Variants in MYO5A observed in about 807,000 individuals in gnomAD.
MYO5A encodes myosin VA, also known as unconventional myosin-Va.
Under a neutral mutation model 249.7 loss-of-function variants are expected in MYO5A, and 98 were observed. The ratio of observed to expected loss-of-function variants is 0.39; its 90% CI spans 0.33 to 0.46. The LOEUF is 0.46. Ranked by LOEUF, MYO5A falls within the 20% of genes least tolerant of loss-of-function variation. The pLI is 0.98. For synonymous variants in MYO5A, 778 were observed against 810.6 expected, an observed-to-expected ratio of 0.96 and a Z score of 0.68; for missense variants, 1,696 against 2,308.8, an observed-to-expected ratio of 0.73 and a Z score of 5.44.
chr15:52,468,537 G>C (rs2076396437), intron 1 of MYO5A, among the ~76,000 whole-genome samples: 1 of 152,070 alleles, frequency 6.6e-6, no homozygotes, highest in African/African-American at 2.4e-5. Context: ...GGGTGTGGTG[G>C]TGTGCACCTG....
chr15:52,449,052 T>C (rs930210463), intron 1 of MYO5A, among the ~76,000 whole-genome samples: 23 of 133,024 alleles, frequency 1.7e-4, no homozygotes, highest in African/African-American at 5.9e-4. Flanking sequence ...CACTGCAAAC[T>C]CTGTCTCCCG....
chr15:52,424,059 G>A (rs896140234), intron 4 of MYO5A, among the ~76,000 whole-genome samples: 4 of 152,228 alleles, frequency 2.6e-5, no homozygotes, highest in African/African-American at 9.6e-5. Flanking sequence ...TAGTTCTCAG[G>A]TTGTACTAAG....
rs376606422 is a variant in MYO5A at position 52,379,610 on chromosome 15, C to T, written c.2208+15G>A. The T allele has an allele frequency of 1.2e-5, 20 of 1,609,146 alleles. No homozygotes were observed. The highest frequency in any genetic ancestry group is 8.9e-5 in the East Asian group (4 of 44,862). On this transcript the variant is annotated intron_variant, in intron 18 of 41. Transcript: ENST00000399233. ...GGCCTTCTGCTCAGATGACGGTAAG[C>T]GAAATCATTCTCACCAGTATCAGTT...
At chr15:52,497,125 C>A (rs926871876) in intron 1 of MYO5A, among the ~76,000 whole-genome samples, 1 of 152,124 alleles carries the variant, frequency 6.6e-6, no homozygotes, top group African/African-American at 2.4e-5. Context: ...CCATGCCCGG[C>A]TAATTTTTGT....
At position 52,308,359 on chromosome 15, in the gene MYO5A, T is replaced by A. The variant is rs1245915868; in HGVS notation, c.*5337A>T. On this transcript the variant is annotated 3_prime_UTR_variant, in exon 42 of 42. Transcript: ENST00000399233. ...TTAGGGTAATACAACAGATTTGAAC[T>A]TATAGCACGCTTTCCTGTTTTTACT... is the stretch of plus-strand genomic sequence containing the variant. 1 of 152,260 alleles carries A rather than the reference T, an allele frequency of 6.6e-6. No individual in the cohort carries two copies. Among genetic ancestry groups the A allele is most frequent in the Non-Finnish European group, 1.5e-5 (1 of 68,044 alleles). The allele number at this position is 152,260 out of a possible 1,614,324, so 9.4% of individuals were successfully genotyped here.
chr15:52,397,752 T>C (rs1469254620), intron 9 of MYO5A, among the ~76,000 whole-genome samples: 1 of 152,166 alleles, frequency 6.6e-6, no homozygotes, highest in Non-Finnish European at 1.5e-5. Context: ...ATTCATTCAG[T>C]CAAAAAATCA....
chr15:52,394,654 G>T (rs778290519), intron 11 of MYO5A, among the ~76,000 whole-genome samples: 1 of 152,168 alleles, frequency 6.6e-6, no homozygotes, highest in Non-Finnish European at 1.5e-5. Flanking sequence ...AGGAAGAGAC[G>T]CAAGAGACCA....
chr15:52,425,808 A>AG (rs774525672), intron 4 of MYO5A, 22 bp downstream of exon 4: 60 of 1,612,730 alleles, frequency 3.7e-5, no homozygotes, highest in Non-Finnish European at 4.8e-5. Context: ...GCCATAAAAT[A>AG]ACAATGAAAG....
At chr15:52,364,769 A>G in intron 23 of MYO5A, 67 bp from the exon 24 acceptor site, 1 of 1,566,844 alleles carries the variant, frequency 6.4e-7, no homozygotes, top group South Asian at 1.1e-5. Flanking sequence ...GTAAACATGT[A>G]TACTGATTTC....
In MYO5A at chr15:52,528,827, G is replaced by T; in HGVS notation, c.-21C>A. On this transcript the variant is annotated 5_prime_UTR_variant, in exon 1 of 42. Coordinates refer to ENST00000399233, the MANE Select transcript of MYO5A (RefSeq NM_001382347.1). ...GCCATGGCGGGCCCCGCGCGCCTAC[G>T]CCCCCCGCCTGTGCGGAGGCCGCAC... 6.8e-7 allele frequency: 1 copy of T among 1,474,276 alleles called. No homozygotes were observed. The allele number at this position is 1,474,276 out of a possible 1,614,324, so 91.3% of individuals were successfully genotyped here.
chr15:52,520,465 CATCTT>C (rs577865275), intron 1 of MYO5A, among the ~76,000 whole-genome samples: 223 of 152,274 alleles, frequency 1.5e-3, no homozygotes, highest in African/African-American at 5.2e-3. Flanking sequence ...TGCCACTGAC[CATCTT>C]TTCACCCCTA....
intron 9 of MYO5A, among the ~76,000 whole-genome samples, chr15:52,400,357 T>C (rs1192528659): frequency 6.6e-6 from 1 of 152,216 alleles, no homozygotes; most frequent in Non-Finnish European, 1.5e-5. Context: ...AGATTCATTT[T>C]ATATTTTAAA....
At chr15:52,335,860 A>G (rs2039094634) in intron 34 of MYO5A, among the ~76,000 whole-genome samples, 1 of 152,240 alleles carries the variant, frequency 6.6e-6, no homozygotes, top group South Asian at 2.1e-4. Context: ...ACTAAGAATA[A>G]TGATAGTGAC....
chr15:52,438,650 G>A (rs149900157), intron 1 of MYO5A, among the ~76,000 whole-genome samples: 83 of 152,318 alleles, frequency 5.4e-4, no homozygotes, highest in South Asian at 2.1e-3. Context: ...AAAAACAGGA[G>A]GTAAAGAAAT....
At chr15:52,513,760 T>C (rs1468383834) in intron 1 of MYO5A, among the ~76,000 whole-genome samples, 3 of 152,028 alleles carry the variant, frequency 2.0e-5, no homozygotes, top group Non-Finnish European at 2.9e-5. Flanking sequence ...AGCCAATAAC[T>C]AGGCTGGGGA....
chr15:52,364,496 T>A, intron 24 of MYO5A, 58 bp downstream of exon 24: 2 of 1,503,334 alleles, frequency 1.3e-6, no homozygotes, highest in South Asian at 2.4e-5. Context: ...CTATTCTATT[T>A]ACTTTTGTAT....
intron 1 of MYO5A, among the ~76,000 whole-genome samples, chr15:52,460,135 C>T (rs1347874450): frequency 6.6e-6 from 1 of 150,580 alleles, no homozygotes; most frequent in African/African-American, 2.5e-5. Flanking sequence ...GGATGACGGC[C>T]GGGAAGAGGC....
chr15:52,434,734 G>T lies in MYO5A; in HGVS notation c.28-1449C>A, dbSNP rs144132573. Reference sequence around the variant, plus strand: ...TTTATGTGCTTGGACTCTCTGGGAAGAAATTTCCCTTTAAAACACACATAC... The same window carrying T: ...TTTATGTGCTTGGACTCTCTGGGAATAAATTTCCCTTTAAAACACACATAC... On this transcript the variant is annotated intron_variant, in intron 1 of 41. Transcript: ENST00000399233. Among the ~76,000 whole-genome samples the T allele has an allele frequency of 4.5e-4, 68 of 152,338 alleles. 1 individual carries two copies. The East Asian group carries it at 7.1e-3, about 16-fold the overall frequency.
chr15:52,505,503 A>G (rs542668764), intron 1 of MYO5A: 43 of 1,305,554 alleles, frequency 3.3e-5, no homozygotes, highest in Non-Finnish European at 4.6e-5. Context: ...ATCTCTCTGG[A>G]TCTGATGATG....
Sources: gnomAD v4.1 joint callset for allele counts (sites outside exome capture counted in the v4.1 genomes callset) on GRCh38, gnomAD v4.1.1 for gene constraint, MANE v1.5 for transcripts, NCBI Gene and HGNC (gene_info 2026-07-23, HGNC 2026-07-21) for gene names.